Variants in CHPT1 observed in about 807,000 individuals in gnomAD.
The protein encoded by CHPT1 is cholinephosphotransferase 1.
CHPT1 carries 36 observed loss-of-function variants against 47.6 expected under a neutral mutation model. The observed-to-expected ratio is 0.76, with a 90% CI of 0.58 to 1.00. CHPT1 has a LOEUF of 1.00. CHPT1 is among the 50% of genes least tolerant of loss of function. The pLI is 0.00. For synonymous variants in CHPT1, 194 were observed against 186.3 expected (o/e 1.04, Z -0.33); for missense variants, 458 against 498.1 (o/e 0.92, Z 0.77).
intron 6 of CHPT1, 68 bp from the exon 7 acceptor site, chr12:101,723,654 A>G: frequency 3.1e-6 from 3 of 980,194 alleles, no homozygotes; most frequent in Non-Finnish European, 4.4e-6. Context: ...AGTTATAATT[A>G]ATTCTGTCGT....
At chr12:101,728,877 T>C in intron 8 of CHPT1, 24 bp from the exon 9 acceptor site, 1 of 1,611,758 alleles carries the variant, frequency 6.2e-7, no homozygotes, top group South Asian at 1.1e-5. Context: ...TTAGCTAACG[T>C]TATAATTGTA....
chr12:101,724,341 T>C (rs1213498984), intron 7 of CHPT1, among the ~76,000 whole-genome samples: 2 of 152,166 alleles, frequency 1.3e-5, no homozygotes, highest in African/African-American at 2.4e-5. Flanking sequence ...CACATATCTA[T>C]AGGCCAGGTT....
At position 101,723,227 on chromosome 12, in the gene CHPT1, G is replaced by T; in HGVS notation, c.840G>T (p.Met280Ile). 1 of 1,611,760 alleles carries T rather than the reference G, an allele frequency of 6.2e-7. No individual in the cohort carries two copies. The highest frequency in any genetic ancestry group is 8.5e-7 in the Non-Finnish European group (1 of 1,178,048). ...HIGLIIILAI[M>I]IYKKSATDVF... ...GACTAATTATTATACTGGCAATAATGATCTATAAAAAGTCAGCAACTGATG... is the reference window on the plus strand; with the variant it reads ...GACTAATTATTATACTGGCAATAATTATCTATAAAAAGTCAGCAACTGATG... The change falls in exon 6 of 9, where the codon ATG (methionine) becomes ATT (isoleucine). Residue 280 changes from methionine (M) to isoleucine (I), a missense_variant. Transcript: ENST00000229266.
intron 1 of CHPT1, among the ~76,000 whole-genome samples, chr12:101,704,547 G>T (rs1386445123): frequency 4.0e-5 from 6 of 150,676 alleles, no homozygotes; most frequent in Non-Finnish European, 7.4e-5. Flanking sequence ...GATTACAGGT[G>T]TGCACCACCA....
rs201414275 is a variant in CHPT1, at chr12:101,727,708, G to GTACTT, written c.1177-1192_1177-1188dup. 3.1e-3 allele frequency: 466 copies of GTACTT among 152,216 alleles called. 4 individuals carry two copies. Among genetic ancestry groups the GTACTT allele is most frequent in the African/African-American group, 0.01 (422 of 41,556 alleles). 9.4% of individuals were successfully genotyped at this position (152,216 alleles called of 1,614,324 possible). On this transcript the variant is annotated intron_variant, in intron 8 of 8. Coordinates refer to ENST00000229266, the MANE Select transcript of CHPT1 (RefSeq NM_020244.3). ...AAGGACTTTCTTACAAGGATGAATA[G>GTACTT]TACTTATGATTTATATTCTAATAAT...
chr12:101,720,007 T>C (rs111923673), intron 4 of CHPT1, 116 bp from the exon 5 acceptor site: 23,495 of 588,400 alleles, frequency 0.04, 589 homozygotes, highest in Non-Finnish European at 0.048. Flanking sequence ...AAGTTAAGGT[T>C]TGATCACAAG....
rs1485633425 is a variant in CHPT1, at chr12:101,711,476, GA to G, written c.274-2605del. 2.6e-4 allele frequency among the ~76,000 whole-genome samples: 38 copies of G among 146,534 alleles called. 3 individuals carry two copies. The South Asian group carries it at 8.3e-3, about 32-fold the overall frequency. ...TTGATCTCGCGTATACACAGAATCT[GA>G]AAAAAAAATTCAGAGATAGAGAATG... On this transcript the variant is annotated intron_variant, in intron 1 of 8. Coordinates refer to ENST00000229266, the MANE Select transcript of CHPT1 (RefSeq NM_020244.3).
chr12:101,698,846 T>G (rs1265253656), intron 1 of CHPT1, among the ~76,000 whole-genome samples: 1 of 152,214 alleles, frequency 6.6e-6, no homozygotes, highest in Non-Finnish European at 1.5e-5. Context: ...AGAAGCACCC[T>G]TTGGGCTGAG....
At position 101,697,806 on chromosome 12, in the gene CHPT1, C is replaced by A; in HGVS notation, c.-56C>A. ...AGCCTCTCCCTCCACCTCTCCCTGCCCCCAGCGCCAGGCGCGGGCTGCGCT... is the reference window on the plus strand; with the variant it reads ...AGCCTCTCCCTCCACCTCTCCCTGCACCCAGCGCCAGGCGCGGGCTGCGCT... On this transcript the variant is annotated 5_prime_UTR_variant, in exon 1 of 9. Transcript: ENST00000229266. 1.5e-6 allele frequency: 1 copy of A among 669,058 alleles called. No homozygotes were observed. Among genetic ancestry groups the A allele is most frequent in the Non-Finnish European group, 1.9e-6 (1 of 532,582 alleles). 41.4% of individuals were successfully genotyped at this position (669,058 alleles called of 1,614,324 possible). A position where few individuals can be genotyped will look rare whatever the true frequency, so the allele number is the denominator to read the frequency against.
rs752004379 is a variant in CHPT1 at position 101,721,796 on chromosome 12, C to T, written c.781-1372C>T. Among the ~76,000 whole-genome samples the T allele has an allele frequency of 6.6e-5, 10 of 152,148 alleles. No individual in the cohort carries two copies. In the South Asian group the frequency reaches 1.7e-3, roughly 25 times the overall value. ...ATATTTTTGACCAGATGCGGTGGCT[C>T]ACGCTTGTAATCCCAGCACTTTGGG... is the stretch of plus-strand genomic sequence containing the variant. On this transcript the variant is annotated intron_variant, in intron 5 of 8. Transcript: ENST00000229266.
intron 1 of CHPT1, 64 bp downstream of exon 1, chr12:101,698,198 CG>C: frequency 2.2e-6 from 3 of 1,370,062 alleles, no homozygotes; most frequent in South Asian, 1.7e-5. Context: ...CTGGAGGCGC[CG>C]GGGGAAGGGC....
At chr12:101,715,282 T>C (rs1937427699) in intron 3 of CHPT1, among the ~76,000 whole-genome samples, 1 of 152,186 alleles carries the variant, frequency 6.6e-6, no homozygotes, top group Non-Finnish European at 1.5e-5. Flanking sequence ...TTTAAGAACT[T>C]TGTCATTTGC....
intron 1 of CHPT1, among the ~76,000 whole-genome samples, chr12:101,702,349 C>T (rs1041281709): frequency 2.0e-5 from 3 of 152,150 alleles, no homozygotes; most frequent in Non-Finnish European, 2.9e-5. Flanking sequence ...ATGGCAGGGA[C>T]AAGTGCCTAG....
Position 101,714,583 on chromosome 12 carries a change from G to A in CHPT1, c.501G>A (p.Gly167=). 2 of 1,612,230 alleles carry A rather than the reference G, an allele frequency of 1.2e-6. No homozygotes were observed. Among genetic ancestry groups the A allele is most frequent in the East Asian group, 4.5e-5 (2 of 44,698 alleles). The change falls in exon 3 of 9, where the codon GGG becomes GGA. Residue 167 remains glycine, a synonymous_variant. Transcript: ENST00000229266. Reference sequence around the variant, plus strand: ...GGTTTTTTTTCTGCTCTTTTATTGGGATGTTTGTGTTTTATTGCGCTCATT... The same window carrying A: ...GGTTTTTTTTCTGCTCTTTTATTGGAATGTTTGTGTTTTATTGCGCTCATT... ...PDWFFFCSFI[G]MFVFYCAHWQ...
At chr12:101,703,282 T>G (rs1951580214) in intron 1 of CHPT1, among the ~76,000 whole-genome samples, 1 of 152,178 alleles carries the variant, frequency 6.6e-6, no homozygotes, top group African/African-American at 2.4e-5. Flanking sequence ...TTTGTTCCCC[T>G]TAGCACAGTG....
At chr12:101,707,224 AAG>A (rs1450558483) in intron 1 of CHPT1, among the ~76,000 whole-genome samples, 1 of 152,150 alleles carries the variant, frequency 6.6e-6, no homozygotes, top group African/African-American at 2.4e-5. Context: ...ATTGGGTGAG[AAG>A]AGTGTTTAGA....
At chr12:101,718,096 G>C (rs1036538265) in intron 4 of CHPT1, among the ~76,000 whole-genome samples, 1 of 152,176 alleles carries the variant, frequency 6.6e-6, no homozygotes, top group African/African-American at 2.4e-5. Flanking sequence ...GACAGTAAAA[G>C]GATCAGAAGT....
rs551656150 is a variant in CHPT1, at chr12:101,712,786, CT to C, written c.274-1301del. 7.0e-4 allele frequency among the ~76,000 whole-genome samples: 104 copies of C among 148,896 alleles called. 3 individuals are homozygous for C. Among genetic ancestry groups the C allele is most frequent in the African/African-American group, 2.4e-3 (100 of 41,186 alleles). ...TTTATAATTTTCCTGTTTTCCTCTA[CT>C]TTCTTGAACATGTGGAGCATATTTA... On this transcript the variant is annotated intron_variant, in intron 1 of 8. Transcript: ENST00000229266.
intron 7 of CHPT1, among the ~76,000 whole-genome samples, chr12:101,725,106 A>T (rs1052394186): frequency 3.9e-5 from 6 of 152,162 alleles, no homozygotes; most frequent in Middle Eastern, 3.2e-3. Flanking sequence ...TTGGATATTT[A>T]AAAAAATCTG....
Sources: gnomAD v4.1 joint callset for allele counts (sites outside exome capture counted in the v4.1 genomes callset) on GRCh38, gnomAD v4.1.1 for gene constraint, MANE v1.5 for transcripts, NCBI Gene and HGNC (gene_info 2026-07-23, HGNC 2026-07-21) for gene names.